The following MLLT10 variants were observed in gnomAD, a reference collection of about 807,000 sequenced individuals.
MLLT10 encodes MLLT10 histone lysine methyltransferase DOT1L cofactor, also known as protein AF-10.
In MLLT10, 30 loss-of-function variants were observed where a neutral mutation model predicts 129.1. The ratio of observed to expected loss-of-function variants is 0.23; its 90% CI spans 0.17 to 0.32. MLLT10 has a LOEUF of 0.32. MLLT10 is among the 10% of genes least tolerant of loss of function. The pLI, the probability that MLLT10 is intolerant of heterozygous loss-of-function variation, is 1.00. For missense variants in MLLT10, 1,119 were observed against 1,268.3 expected, an observed-to-expected ratio of 0.88 and a Z score of 1.79; for synonymous variants, 490 against 446.4, an observed-to-expected ratio of 1.10 and a Z score of -1.23.
In MLLT10 at chr10:21,584,785, GTA is replaced by G. The variant is rs549028914; in HGVS notation, c.241-1498_241-1497del. Among the ~76,000 whole-genome samples, 27 of 150,672 alleles carry G rather than the reference GTA, an allele frequency of 1.8e-4. No individual in the cohort carries two copies. In the East Asian group the frequency reaches 2.7e-3, roughly 15 times the overall value. On this transcript the variant is annotated intron_variant, in intron 3 of 22. Transcript: ENST00000307729. The stretch of plus-strand genomic sequence containing the variant: ...ATATATAAAGTATGTGTGTATGTGT[GTA>G]TATATATATAATGTGTGTGTTTATA...
intron 8 of MLLT10, among the ~76,000 whole-genome samples, chr10:21,646,344 T>A (rs1188673600): frequency 6.6e-6 from 1 of 152,236 alleles, no homozygotes; most frequent in Non-Finnish European, 1.5e-5. Flanking sequence ...CTGCATTGAT[T>A]TCCTTGAAAC....
intron 3 of MLLT10, chr10:21,556,702 A>G: frequency 6.2e-7 from 1 of 1,612,582 alleles, no homozygotes; most frequent in East Asian, 2.2e-5. Context: ...GATACATAGA[A>G]CATCACTGCG....
At chr10:21,639,469 A>C (rs1024482894) in intron 8 of MLLT10, among the ~76,000 whole-genome samples, 5 of 152,154 alleles carry the variant, frequency 3.3e-5, no homozygotes, top group African/African-American at 1.2e-4. Flanking sequence ...AACTGAGGGA[A>C]ACCCTTACTT....
chr10:21,559,638 C>T (rs1202225232), intron 3 of MLLT10, among the ~76,000 whole-genome samples: 1 of 152,164 alleles, frequency 6.6e-6, no homozygotes, highest in Non-Finnish European at 1.5e-5. Context: ...CTCTCTATAG[C>T]CCCTGGTAAC....
intron 3 of MLLT10, among the ~76,000 whole-genome samples, chr10:21,585,438 G>A (rs2041899300): frequency 6.6e-6 from 1 of 152,110 alleles, no homozygotes; most frequent in Admixed American, 6.6e-5. Flanking sequence ...TAAATTTTGA[G>A]TACTATTGTA....
At chr10:21,613,769 G>A (rs1198798837) in intron 6 of MLLT10, among the ~76,000 whole-genome samples, 1 of 152,064 alleles carries the variant, frequency 6.6e-6, no homozygotes, top group African/African-American at 2.4e-5. Context: ...GCCGGGCATG[G>A]TGAAGCATGC....
intron 5 of MLLT10, among the ~76,000 whole-genome samples, chr10:21,597,993 G>C (rs528897540): frequency 1.3e-5 from 2 of 152,248 alleles, no homozygotes; most frequent in East Asian, 3.9e-4. Context: ...TTTTGTGGGG[G>C]AAGTACTTCA....
At chr10:21,533,924 T>TCCACCTCCCCCG (rs1281099987), upstream of MLLT10, among the ~76,000 whole-genome samples, 1 of 151,920 alleles carries the variant, frequency 6.6e-6, no homozygotes, top group African/African-American at 2.4e-5. Flanking sequence ...GCCCTGGGCG[T>TCCACCTCCCCCG]CCACCTCCCC....
intron 3 of MLLT10, among the ~76,000 whole-genome samples, chr10:21,579,790 T>C (rs1564447049): frequency 1.3e-5 from 2 of 151,918 alleles, no homozygotes; most frequent in African/African-American, 4.8e-5. Flanking sequence ...CTCGAACTCC[T>C]GAGCTCAGGT....
At chr10:21,637,643 T>C (rs917562491) in intron 8 of MLLT10, among the ~76,000 whole-genome samples, 31 of 152,154 alleles carry the variant, frequency 2.0e-4, no homozygotes, top group Admixed American at 9.2e-4. Context: ...ACATACCTAT[T>C]TGTGGCAAGT....
intron 4 of MLLT10, among the ~76,000 whole-genome samples, chr10:21,589,295 T>C (rs1288318775): frequency 6.6e-6 from 1 of 152,036 alleles, no homozygotes; most frequent in East Asian, 1.9e-4. Context: ...TTTTGAGTTA[T>C]TAGTTAGAAA....
intron 3 of MLLT10, among the ~76,000 whole-genome samples, chr10:21,556,047 C>T (rs980459445): frequency 4.0e-5 from 6 of 148,562 alleles, no homozygotes; most frequent in African/African-American, 1.2e-4. Context: ...GCGATCTCGG[C>T]TCACTGCAAC....
intron 3 of MLLT10, among the ~76,000 whole-genome samples, chr10:21,575,725 G>A (rs2040664056): frequency 6.6e-6 from 1 of 152,126 alleles, no homozygotes; most frequent in Admixed American, 6.6e-5. Flanking sequence ...AAAGAGGAGT[G>A]TTAAAATATC....
intron 3 of MLLT10, among the ~76,000 whole-genome samples, chr10:21,558,875 G>A (rs1471036926): frequency 6.6e-6 from 1 of 151,908 alleles, no homozygotes; most frequent in Non-Finnish European, 1.5e-5. Context: ...AATTACTATA[G>A]CTTCATATTA....
At chr10:21,567,347 T>C (rs2039697558) in intron 3 of MLLT10, among the ~76,000 whole-genome samples, 2 of 152,166 alleles carry the variant, frequency 1.3e-5, no homozygotes, top group African/African-American at 2.4e-5. Context: ...GTTTGCAGAA[T>C]TGGGAGTTGT....
intron 9 of MLLT10, among the ~76,000 whole-genome samples, chr10:21,662,451 C>T (rs2131351324): frequency 1.3e-5 from 1 of 75,900 alleles, no homozygotes; most frequent in Non-Finnish European, 2.4e-5. Flanking sequence ...TTTTTATTGT[C>T]ATATCCTCAA....
chr10:21,552,638 C>T (rs945868807), intron 3 of MLLT10, among the ~76,000 whole-genome samples: 8 of 151,154 alleles, frequency 5.3e-5, no homozygotes, highest in Admixed American at 2.6e-4. Context: ...GTGATCCACC[C>T]GCCTCGGCCT....
rs549843067 is a variant in MLLT10, at chr10:21,586,598, AT to A, written c.295+251del. On this transcript the variant is annotated intron_variant, in intron 4 of 22. Transcript: ENST00000307729. ...ATACATACTTCTAATTTAAATTCTT[AT>A]GTTTTTGGCTGGGCGAGGTGGCTCA... Among the ~76,000 whole-genome samples, 30 of 152,246 alleles carry A rather than the reference AT, an allele frequency of 2.0e-4. No individual in the cohort carries two copies. The South Asian group carries it at 6.2e-3, about 32-fold the overall frequency.
intron 9 of MLLT10, among the ~76,000 whole-genome samples, chr10:21,668,073 A>G (rs139936377): frequency 7.9e-5 from 12 of 152,278 alleles, no homozygotes; most frequent in African/African-American, 2.9e-4. Context: ...AACAACAACA[A>G]CAAAAAAAGA....
Sources: allele counts gnomAD v4.1 joint callset (sites outside exome capture counted in the v4.1 genomes callset), GRCh38; gene constraint gnomAD v4.1.1; transcripts MANE v1.5; gene names NCBI Gene and HGNC (gene_info 2026-07-23, HGNC 2026-07-21).